Variants in FRMD3 observed in about 807,000 individuals in gnomAD.
The protein encoded by FRMD3 is FERM domain containing 3.
A neutral mutation model predicts 70.2 loss-of-function variants in FRMD3; 33 were observed. That is an observed-to-expected ratio of 0.47 (90% CI 0.36 to 0.63). The LOEUF is 0.63. Ranked by LOEUF, FRMD3 falls within the 20% of genes least tolerant of loss-of-function variation. The pLI is 0.00. For synonymous variants in FRMD3, 279 were observed against 255.9 expected, an observed-to-expected ratio of 1.09 and a Z score of -0.86; for missense variants, 632 against 711.4, an observed-to-expected ratio of 0.89 and a Z score of 1.27.
At chr9:83,522,311 T>C (rs1829587493) in intron 1 of FRMD3, among the ~76,000 whole-genome samples, 1 of 152,112 alleles carries the variant, frequency 6.6e-6, no homozygotes, top group East Asian at 1.9e-4. Flanking sequence ...ATGGCTAACA[T>C]GGTGTCGCCT....
intron 1 of FRMD3, among the ~76,000 whole-genome samples, chr9:83,445,015 T>A (rs1441957207): frequency 2.0e-5 from 3 of 152,206 alleles, no homozygotes; most frequent in African/African-American, 7.2e-5. Context: ...TACTTTATAC[T>A]ATTTCTTAAG....
At position 83,537,461 on chromosome 9, in the gene FRMD3, AGC is replaced by A. The variant is rs1373835379; in HGVS notation, c.147+622_147+623del. Among the ~76,000 whole-genome samples the A allele has an allele frequency of 2.0e-5, 3 of 152,190 alleles. No homozygotes were observed. Among genetic ancestry groups the A allele is most frequent in the Non-Finnish European group, 4.4e-5 (3 of 68,046 alleles). On this transcript the variant is annotated intron_variant, in intron 1 of 13. Transcript: ENST00000304195. This position sits in a 1 kb window ranked among gnomAD's most constrained non-coding sequence, Gnocchi z 4.1. ...TTTCGAGGTAGCTCCAGTCCGGCGC[AGC>A]GCGCGCTCCATCCCTCAAGGCTGGC...
At chr9:83,243,333 A>C, downstream of FRMD3, 1 of 1,032,744 alleles carries the variant, frequency 9.7e-7, no homozygotes, top group Non-Finnish European at 1.5e-6. Context: ...AGTGGCCCAG[A>C]GGGACTCAAG....
intron 1 of FRMD3, among the ~76,000 whole-genome samples, chr9:83,490,788 TCTCTCTCTCTCACACACA>T (rs1564102064): frequency 8.2e-6 from 1 of 121,734 alleles, no homozygotes; most frequent in African/African-American, 3.7e-5. Flanking sequence ...TCTCTCTCTC[TCTCTCTCTCTCACACACA>T]CACACACACA....
At chr9:83,357,478 T>G (rs940126055) in intron 3 of FRMD3, among the ~76,000 whole-genome samples, 1 of 151,500 alleles carries the variant, frequency 6.6e-6, no homozygotes, top group Non-Finnish European at 1.5e-5. Flanking sequence ...GTAGATCTAC[T>G]TTTAGTACTT....
intron 3 of FRMD3, among the ~76,000 whole-genome samples, chr9:83,368,524 G>A (rs911628208): frequency 6.6e-6 from 1 of 151,818 alleles, no homozygotes; most frequent in African/African-American, 2.4e-5. Flanking sequence ...TAAGTTCAGA[G>A]GAGAAATAAG....
chr9:83,379,815 A>G (rs1345594425), intron 2 of FRMD3, among the ~76,000 whole-genome samples: 1 of 152,108 alleles, frequency 6.6e-6, no homozygotes, highest in Non-Finnish European at 1.5e-5. Flanking sequence ...GGTAGTATAA[A>G]TACCTCTGCT....
At chr9:83,318,497 GTA>G (rs758363007) in intron 6 of FRMD3, among the ~76,000 whole-genome samples, 1 of 151,138 alleles carries the variant, frequency 6.6e-6, no homozygotes, top group African/African-American at 2.4e-5. Flanking sequence ...GTGTGTGTGT[GTA>G]TATATATATA....
chr9:83,374,806 T>A (rs1475566767), intron 2 of FRMD3, among the ~76,000 whole-genome samples: 3 of 152,218 alleles, frequency 2.0e-5, no homozygotes, highest in Non-Finnish European at 4.4e-5. Context: ...ATGTGCTTCA[T>A]GGAGAAGAAG....
intron 13 of FRMD3, chr9:83,267,140 C>T (rs752359305): frequency 6.4e-7 from 1 of 1,550,664 alleles, no homozygotes; most frequent in South Asian, 1.2e-5. Flanking sequence ...TTTTGCCATA[C>T]TGGTTATTCC....
chr9:83,548,567 G>A, the FRMD3 span, among the ~76,000 whole-genome samples: 1 of 152,134 alleles, frequency 6.6e-6, no homozygotes, highest in South Asian at 2.1e-4. Flanking sequence ...ATTACCATGA[G>A]TTCAGGAGAG....
chr9:83,375,654 T>G (rs1452713711), intron 2 of FRMD3, among the ~76,000 whole-genome samples: 1 of 152,198 alleles, frequency 6.6e-6, no homozygotes, highest in African/African-American at 2.4e-5. Context: ...CACTTATAAA[T>G]GGGAGCTAAT....
chr9:83,482,487 G>A (rs954196957), intron 1 of FRMD3, among the ~76,000 whole-genome samples: 27 of 152,142 alleles, frequency 1.8e-4, no homozygotes, highest in African/African-American at 6.3e-4. Context: ...AAATATATCT[G>A]TCAGTCATTA....
At chr9:83,468,740 A>G (rs1828195427) in intron 1 of FRMD3, among the ~76,000 whole-genome samples, 1 of 152,216 alleles carries the variant, frequency 6.6e-6, no homozygotes, top group African/African-American at 2.4e-5. Context: ...ATGGCAATTA[A>G]CAGAAAGGAA....
chr9:83,327,683 C>T (rs1346910321), intron 6 of FRMD3, among the ~76,000 whole-genome samples: 1 of 152,212 alleles, frequency 6.6e-6, no homozygotes, highest in Non-Finnish European at 1.5e-5. Flanking sequence ...GAAGTGAAAG[C>T]AGCTATGCGT....
intron 1 of FRMD3, among the ~76,000 whole-genome samples, chr9:83,404,787 G>A (rs76127157): frequency 0.15 from 22,396 of 152,214 alleles, 1,706 homozygotes; most frequent in Non-Finnish European, 0.16. Context: ...AGAGTTAAGA[G>A]TTAAGTTATT....
chr9:83,460,277 C>G (rs966342771), intron 1 of FRMD3, among the ~76,000 whole-genome samples: 5 of 152,166 alleles, frequency 3.3e-5, no homozygotes, highest in African/African-American at 1.2e-4. Context: ...CCAGCTAAAA[C>G]AGCACATCTC....
At chr9:83,323,388 C>T (rs961804425) in intron 6 of FRMD3, among the ~76,000 whole-genome samples, 1 of 152,158 alleles carries the variant, frequency 6.6e-6, no homozygotes, top group African/African-American at 2.4e-5. Context: ...TAACATTGAA[C>T]AAAAGAAGCC....
At chr9:83,559,850 A>G in the FRMD3 span, among the ~76,000 whole-genome samples, 1 of 152,084 alleles carries the variant, frequency 6.6e-6, no homozygotes, top group South Asian at 2.1e-4. Context: ...TTAAAAATTA[A>G]AAATATTTTA....
Sources: gnomAD v4.1 joint callset for allele counts (sites outside exome capture counted in the v4.1 genomes callset) on GRCh38, gnomAD v4.1.1 for gene constraint, Gnocchi (gnomAD v3.1) non-coding constraint, MANE v1.5 for transcripts, NCBI Gene and HGNC (gene_info 2026-07-23, HGNC 2026-07-21) for gene names.